Variants in TBC1D30 observed in about 807,000 individuals in gnomAD.
TBC1D30 encodes TBC1 domain family, member 30.
In TBC1D30, 31 loss-of-function variants were observed where a neutral mutation model predicts 63.2. That is an observed-to-expected ratio of 0.49 (90% CI 0.37 to 0.66). The LOEUF is 0.66. Ranked by LOEUF, TBC1D30 falls within the 30% of genes least tolerant of loss-of-function variation. The probability of loss-of-function intolerance (pLI) is 0.00; values close to 1 mark genes in which losing one functional copy is unlikely to be tolerated. For missense variants in TBC1D30, 810 were observed against 953.6 expected (o/e 0.85, Z 1.98); for synonymous variants, 307 against 361.5 (o/e 0.85, Z 1.71).
intron 1 of TBC1D30, among the ~76,000 whole-genome samples, chr12:64,785,232 G>C (rs970154327): frequency 2.7e-5 from 4 of 150,368 alleles, no homozygotes; most frequent in African/African-American, 9.8e-5. Flanking sequence ...GCTCACTGCA[G>C]CCTCCTCCTC....
chr12:64,856,265 C>A (rs1482963166), intron 8 of TBC1D30, among the ~76,000 whole-genome samples: 1 of 152,222 alleles, frequency 6.6e-6, no homozygotes, highest in Non-Finnish European at 1.5e-5. Flanking sequence ...TCAAGCCATT[C>A]ATGAGGGATC....
chr12:64,813,368 C>T (rs925118014), intron 2 of TBC1D30, among the ~76,000 whole-genome samples: 12 of 151,786 alleles, frequency 7.9e-5, no homozygotes, highest in Non-Finnish European at 1.8e-4. Flanking sequence ...CCAGCCTGGG[C>T]GACAGAGCAA....
chr12:64,835,534 G>A (rs1239945219), intron 5 of TBC1D30, among the ~76,000 whole-genome samples: 1 of 152,134 alleles, frequency 6.6e-6, no homozygotes, highest in Non-Finnish European at 1.5e-5. Flanking sequence ...GTGCTTTTGG[G>A]AAGGAGCTGG....
At chr12:64,776,877 G>C (rs552690720), upstream of TBC1D30, among the ~76,000 whole-genome samples, 20 of 152,240 alleles carry the variant, frequency 1.3e-4, no homozygotes, top group Middle Eastern at 3.4e-3. Context: ...CTGGCAAACT[G>C]AATCCAGCAG....
chr12:64,833,311 C>A (rs957444596), intron 5 of TBC1D30, among the ~76,000 whole-genome samples: 1 of 152,062 alleles, frequency 6.6e-6, no homozygotes, highest in Non-Finnish European at 1.5e-5. Context: ...TGAGATGGGG[C>A]ACTAGTGATT....
chr12:64,775,471 G>T (rs1419569657), intron 1 of TBC1D30, among the ~76,000 whole-genome samples: 2 of 151,846 alleles, frequency 1.3e-5, no homozygotes, highest in African/African-American at 2.4e-5. Context: ...AAAAAGCAGG[G>T]GTTGCAATCC....
chr12:64,865,576 C>G (rs1284818387), intron 9 of TBC1D30, among the ~76,000 whole-genome samples: 8 of 152,026 alleles, frequency 5.3e-5, no homozygotes, highest in Non-Finnish European at 7.4e-5. Flanking sequence ...GCCACCCAAG[C>G]TGGGTGTGGT....
chr12:64,761,113 GC>G (rs1870494601), intron 1 of TBC1D30, among the ~76,000 whole-genome samples: 1 of 152,236 alleles, frequency 6.6e-6, no homozygotes, highest in South Asian at 2.1e-4. Flanking sequence ...CTTGGTTACA[GC>G]CTTGGCCTAG....
chr12:64,760,101 G>T (rs189059083), intron 1 of TBC1D30, among the ~76,000 whole-genome samples: 36 of 152,278 alleles, frequency 2.4e-4, no homozygotes, highest in Non-Finnish European at 4.1e-4. Context: ...ATGGTCCTTG[G>T]TGACTTTTTA....
intron 8 of TBC1D30, among the ~76,000 whole-genome samples, chr12:64,847,291 G>A (rs983704085): frequency 6.6e-6 from 1 of 151,400 alleles, no homozygotes; most frequent in Admixed American, 6.6e-5. Flanking sequence ...TTCTTAGTCT[G>A]GCTACAGGTG....
intron 8 of TBC1D30, among the ~76,000 whole-genome samples, chr12:64,857,215 C>T (rs1428260752): frequency 6.6e-6 from 1 of 152,184 alleles, no homozygotes; most frequent in Non-Finnish European, 1.5e-5. Flanking sequence ...TCCCCTGAAA[C>T]CAGCATGTCT....
At chr12:64,774,245 A>G (rs1377963680) in intron 1 of TBC1D30, among the ~76,000 whole-genome samples, 1 of 152,254 alleles carries the variant, frequency 6.6e-6, no homozygotes, top group Non-Finnish European at 1.5e-5. Flanking sequence ...ATAGAGAAGA[A>G]AGAATGAAAA....
chr12:64,786,133 T>C, intron 2 of TBC1D30: 3 of 1,046,730 alleles, frequency 2.9e-6, no homozygotes, highest in Non-Finnish European at 3.8e-6. Context: ...TGTGAATATA[T>C]TGAGAAGTTT....
At chr12:64,820,912 C>T (rs1300313953), upstream of TBC1D30, among the ~76,000 whole-genome samples, 1 of 152,218 alleles carries the variant, frequency 6.6e-6, no homozygotes. Flanking sequence ...ATAATATTAT[C>T]TAATTCCTTT....
At chr12:64,783,698 T>G (rs1871403041) in intron 1 of TBC1D30, among the ~76,000 whole-genome samples, 1 of 151,454 alleles carries the variant, frequency 6.6e-6, no homozygotes, top group Non-Finnish European at 1.5e-5. Flanking sequence ...ATAAATGTAA[T>G]TCAGAGAACT....
intron 2 of TBC1D30, among the ~76,000 whole-genome samples, chr12:64,809,991 A>G (rs1873112674): frequency 6.6e-6 from 1 of 151,874 alleles, no homozygotes; most frequent in Non-Finnish European, 1.5e-5. Flanking sequence ...AAGTGGCTTT[A>G]TCTCCACCTT....
chr12:64,771,053 A>G (rs114736190), intron 1 of TBC1D30, among the ~76,000 whole-genome samples: 1 of 152,052 alleles, frequency 6.6e-6, no homozygotes, highest in African/African-American at 2.4e-5. Context: ...CCATTTCAAG[A>G]TGGTGATAAT....
At chr12:64,804,299 T>G (rs1339578175) in intron 2 of TBC1D30, among the ~76,000 whole-genome samples, 1 of 152,206 alleles carries the variant, frequency 6.6e-6, no homozygotes, top group African/African-American at 2.4e-5. Context: ...TGTCTGTTAT[T>G]GGTGTAGAGG....
rs188156519 is a variant in TBC1D30, at chr12:64,768,954, C to T, written c.-376+9305C>T. On this transcript the variant is annotated intron_variant, in intron 1 of 13. Coordinates refer to the TBC1D30 transcript ENST00000674237. The stretch of plus-strand genomic sequence containing the variant: ...GGCGGATTGCCTGAGCTCAGGAGTT[C>T]GAGACCAGTCTGTGCAACGTGGCAA... 4.1e-4 allele frequency among the ~76,000 whole-genome samples: 62 copies of T among 152,114 alleles called. No homozygotes were observed. In the East Asian group the frequency reaches 9.1e-3, roughly 22 times the overall value.
Sources: gnomAD v4.1 joint callset for allele counts (sites outside exome capture counted in the v4.1 genomes callset) on GRCh38, gnomAD v4.1.1 for gene constraint, MANE v1.5 for transcripts, NCBI Gene and HGNC (gene_info 2026-07-23, HGNC 2026-07-21) for gene names.